LNX2: variants seen among roughly 807,000 people sequenced by gnomAD.
LNX2 encodes ligand of Numb protein X 2.
Under a neutral mutation model 66.2 loss-of-function variants are expected in LNX2, and 35 were observed. That is an observed-to-expected ratio of 0.53 (90% confidence interval 0.40 to 0.70). The LOEUF is 0.70. LNX2 is among the 30% of genes least tolerant of loss of function. The pLI is 0.00. For synonymous variants in LNX2, 337 were observed against 315.6 expected, an observed-to-expected ratio of 1.07 and a Z score of -0.72; for missense variants, 791 against 850.8, an observed-to-expected ratio of 0.93 and a Z score of 0.87.
At chr13:27,583,195 T>TGCGCGCGC (rs1566124618) in intron 1 of LNX2, among the ~76,000 whole-genome samples, 278 of 13,824 alleles carry the variant, frequency 0.02, 17 homozygotes, top group Non-Finnish European at 0.036. Context: ...TGTGTGTGTG[T>TGCGCGCGC]GTGTGTGTGT....
chr13:27,567,930 T>C, intron 3 of LNX2, 91 bp from the exon 4 acceptor site: 1 of 1,005,582 alleles, frequency 9.9e-7, no homozygotes, highest in Non-Finnish European at 1.6e-6. Context: ...CAGGTAAGTA[T>C]GTCACATTAA....
chr13:27,578,844 A>C (rs1955368682), intron 2 of LNX2, among the ~76,000 whole-genome samples: 1 of 152,214 alleles, frequency 6.6e-6, no homozygotes. Flanking sequence ...ACATAAAGAT[A>C]GCAGAGACAA....
chr13:27,556,480 CAAACTAAGGTAATAACTT>C, intron 6 of LNX2, 67 bp from the exon 7 acceptor site: 1 of 1,305,486 alleles, frequency 7.7e-7, no homozygotes, highest in Non-Finnish European at 1.1e-6. Context: ...GTTATTACTT[CAAACTAAGGTAATAACTT>C]ACATGGCATT....
chr13:27,561,833 C>T (rs1955139290), intron 5 of LNX2, among the ~76,000 whole-genome samples: 1 of 152,138 alleles, frequency 6.6e-6, no homozygotes, highest in Admixed American at 6.5e-5. Flanking sequence ...GATGACTTTC[C>T]AACTTATCCA....
chr13:27,616,327 A>G (rs551034708), intron 1 of LNX2, among the ~76,000 whole-genome samples: 1 of 152,292 alleles, frequency 6.6e-6, no homozygotes, highest in African/African-American at 2.4e-5. Context: ...GTGGAGACCC[A>G]AGTTCTTACT....
intron 1 of LNX2, among the ~76,000 whole-genome samples, chr13:27,616,410 T>C (rs1955827791): frequency 6.6e-6 from 1 of 152,098 alleles, no homozygotes; most frequent in Non-Finnish European, 1.5e-5. Context: ...TTAAAGTCTA[T>C]GTTAATGTTA....
intron 1 of LNX2, among the ~76,000 whole-genome samples, chr13:27,609,791 T>C (rs755274799): frequency 1.1e-4 from 16 of 152,182 alleles, no homozygotes; most frequent in East Asian, 1.9e-4. Flanking sequence ...TACTATACCA[T>C]TGAAAAAAAT....
chr13:27,549,429 C>T (rs932952140), intron 9 of LNX2, among the ~76,000 whole-genome samples: 2 of 152,246 alleles, frequency 1.3e-5, no homozygotes, highest in South Asian at 2.1e-4. Context: ...TCCCAGTGCC[C>T]GGGCTTTGAT....
In LNX2 at chr13:27,581,417, C is replaced by G; in HGVS notation, c.287G>C (p.Cys96Ser). 1 of 1,608,198 alleles carries G rather than the reference C, an allele frequency of 6.2e-7. No individual in the cohort carries two copies. The highest frequency in any genetic ancestry group is 8.5e-7 in the Non-Finnish European group (1 of 1,175,788). The change falls in exon 2 of 10, where the codon TGC becomes TCC. Residue 96 changes from cysteine to serine, a missense_variant. Physicochemically the swap from Cys to Ser is moderately radical, Grantham distance 112. Transcript: ENST00000316334. ...LDRKRLHFKL[C>S]KKSSILVHKL... ...ATGAACTAGAATACTAGACTTCTTG[C>G]ACAACTTAAAATGAAGTCTTTTCCG...
intron 1 of LNX2, among the ~76,000 whole-genome samples, chr13:27,617,686 TA>T (rs960063722): frequency 6.6e-6 from 1 of 152,216 alleles, no homozygotes; most frequent in African/African-American, 2.4e-5. Context: ...ACCATACTCA[TA>T]AAGCCTTTCT....
intron 7 of LNX2, among the ~76,000 whole-genome samples, chr13:27,555,748 C>T (rs1245351590): frequency 6.6e-6 from 1 of 152,172 alleles, no homozygotes; most frequent in Non-Finnish European, 1.5e-5. Context: ...ATGGAGACTG[C>T]TATTTTTACC....
Position 27,569,243 on chromosome 13 carries a change from C to G in LNX2, c.441G>C (p.Leu147=), listed in dbSNP as rs1566119923. The change falls in exon 3 of 10, where the codon CTG becomes CTC. Residue 147 remains leucine (L), a synonymous_variant. Coordinates refer to ENST00000316334, the MANE Select transcript of LNX2 (RefSeq NM_153371.4). ...GAGTTCTACTAGTTTTCCTTCTCTC[C>G]AGGGCAACTCTCCGATGAGAAGCTC... ...CPGASHRRVA[L]ERRKTSRTQA... The G allele has an allele frequency of 6.2e-7, 1 of 1,613,140 alleles. No individual in the cohort carries two copies. The highest frequency in any genetic ancestry group is 1.7e-5 in the Admixed American group (1 of 59,888).
intron 1 of LNX2, among the ~76,000 whole-genome samples, chr13:27,591,075 C>A (rs1593257159): frequency 6.6e-6 from 1 of 152,004 alleles, no homozygotes; most frequent in Admixed American, 6.6e-5. Flanking sequence ...CCTTGAAGAG[C>A]CATATTTGTG....
At chr13:27,565,461 T>G (rs1243082432) in intron 4 of LNX2, among the ~76,000 whole-genome samples, 4 of 152,096 alleles carry the variant, frequency 2.6e-5, no homozygotes, top group South Asian at 4.2e-4. Flanking sequence ...TGTCAAGATG[T>G]CTGGGAGGAT....
Position 27,581,644 on chromosome 13 carries a change from GT to G in LNX2, c.59del (p.Asn20ThrfsTer29). On this transcript the variant is annotated frameshift_variant, in exon 2 of 10. Coordinates refer to ENST00000316334, the MANE Select transcript of LNX2 (RefSeq NM_153371.4). LOFTEE classifies it high-confidence loss of function. ...SVEQTSSSSL[N>X]PLCFECGQQH... Reference sequence around the variant, plus strand: ...GTTGGCCACATTCAAAACACAGGGGGTTTAGAGAAGAGGAGGAGGTCTGTTC... The same window carrying G: ...GTTGGCCACATTCAAAACACAGGGGGTTAGAGAAGAGGAGGAGGTCTGTTC... 1 of 1,613,954 alleles carries G rather than the reference GT, an allele frequency of 6.2e-7. No individual in the cohort carries two copies. The highest frequency in any genetic ancestry group is 8.5e-7 in the Non-Finnish European group (1 of 1,179,932).
At chr13:27,560,273 C>T (rs1453505357) in intron 5 of LNX2, among the ~76,000 whole-genome samples, 1 of 152,094 alleles carries the variant, frequency 6.6e-6, no homozygotes, top group Non-Finnish European at 1.5e-5. Context: ...CTCTTATTGC[C>T]CCATGATTGG....
intron 3 of LNX2, among the ~76,000 whole-genome samples, chr13:27,568,798 A>T (rs145255833): frequency 1.5e-3 from 232 of 152,306 alleles, no homozygotes; most frequent in Non-Finnish European, 2.8e-3. Flanking sequence ...GGTTAGGACC[A>T]TCTGCCTCGG....
rs778221637 is a variant in LNX2, at chr13:27,560,559, A to ATG, written c.1225-576_1225-575dup. On this transcript the variant is annotated intron_variant, in intron 5 of 9. Transcript: ENST00000316334. ...TCCTGCATAACAAGACTTTATATGT[A>ATG]TGTGTGTATATATATATATATATAT... Among the ~76,000 whole-genome samples, 114 of 132,570 alleles carry ATG rather than the reference A, an allele frequency of 8.6e-4. 2 individuals carry two copies. The highest frequency in any genetic ancestry group is 2.0e-3 in the African/African-American group (61 of 30,782). 87.0% of individuals were successfully genotyped at this position (132,570 alleles called of 152,430 possible).
At chr13:27,566,227 T>C (rs1289437632) in intron 4 of LNX2, among the ~76,000 whole-genome samples, 1 of 152,180 alleles carries the variant, frequency 6.6e-6, no homozygotes, top group Non-Finnish European at 1.5e-5. Flanking sequence ...GGAGAATGGC[T>C]GAACAAAAGC....
Sources: gnomAD v4.1 joint callset for allele counts (sites outside exome capture counted in the v4.1 genomes callset) on GRCh38, gnomAD v4.1.1 for gene constraint, MANE v1.5 for transcripts, NCBI Gene and HGNC (gene_info 2026-07-23, HGNC 2026-07-21) for gene names.